TAF5L: variants seen among roughly 807,000 people sequenced by gnomAD.
TAF5L encodes TATA-box binding protein associated factor 5 like, also known as TAF5-like RNA polymerase II p300/CBP-associated factor-associated factor 65 kDa subunit 5L.
Under a neutral mutation model 51.3 loss-of-function variants are expected in TAF5L, and 7 were observed. That is an observed-to-expected ratio of 0.14 (90% CI 0.08 to 0.26). The LOEUF is 0.26. TAF5L is among the 10% of genes least tolerant of loss of function. TAF5L has a pLI of 1.00. For missense variants in TAF5L, 575 were observed against 758.9 expected, an observed-to-expected ratio of 0.76 and a Z score of 2.85; for synonymous variants, 291 against 308.1, an observed-to-expected ratio of 0.94 and a Z score of 0.58.
chr1:229,605,650 T>C (rs1341236379), intron 3 of TAF5L, among the ~76,000 whole-genome samples: 6 of 151,962 alleles, frequency 3.9e-5, no homozygotes, highest in Non-Finnish European at 7.4e-5. Context: ...TTTAAGTCAG[T>C]AGACTTTGAG....
chr1:229,623,655 C>G (rs765639004), intron 1 of TAF5L, among the ~76,000 whole-genome samples: 8 of 152,244 alleles, frequency 5.3e-5, no homozygotes, highest in Non-Finnish European at 1.2e-4. Context: ...ACTACCACTA[C>G]GAATACTTAA....
intron 4 of TAF5L, chr1:229,600,811 C>T (rs1285616515): frequency 1.0e-6 from 1 of 985,264 alleles, no homozygotes; most frequent in African/African-American, 1.7e-5. Flanking sequence ...TTATTTTGGT[C>T]TACTGTTATC....
intron 4 of TAF5L, chr1:229,600,835 C>T (rs185649162): frequency 3.3e-4 from 323 of 985,070 alleles, no homozygotes; most frequent in Admixed American, 6.1e-4. Context: ...TGTCATAATG[C>T]TATCTTCTTT....
chr1:229,616,591 C>A (rs1388019574), intron 1 of TAF5L, among the ~76,000 whole-genome samples: 1 of 152,022 alleles, frequency 6.6e-6, no homozygotes, highest in Non-Finnish European at 1.5e-5. Flanking sequence ...GGTGAATAAC[C>A]AAACAAATGT....
intron 1 of TAF5L, among the ~76,000 whole-genome samples, chr1:229,622,037 CT>C (rs1665221793): frequency 6.9e-6 from 1 of 145,264 alleles, no homozygotes; most frequent in Non-Finnish European, 1.5e-5. Flanking sequence ...ATCTATCTAT[CT>C]ATCTATCTAT....
Position 229,594,467 on chromosome 1 carries a change from C to A in TAF5L, c.1600G>T (p.Val534Leu), listed in dbSNP as rs767014368. Reference sequence around the variant, plus strand: ...GTGTTCCTGATGTCCCAGACGCGCACCGAGTTGTCCATGGAGGCAGAGGCA... The same window carrying A: ...GTGTTCCTGATGTCCCAGACGCGCAACGAGTTGTCCATGGAGGCAGAGGCA... Residue 534 changes from valine to leucine, a missense_variant, in exon 5 of 5, where the codon GTG becomes TTG. By Grantham distance (32) the Val-to-Leu change is conservative. Transcript: ENST00000258281. This position sits in a 1 kb window ranked among gnomAD's most constrained non-coding sequence, Gnocchi z 7.9. 4 of 1,614,142 alleles carry A rather than the reference C, an allele frequency of 2.5e-6. No individual in the cohort carries two copies. Among genetic ancestry groups the A allele is most frequent in the Non-Finnish European group, 3.4e-6 (4 of 1,180,026 alleles).
Position 229,625,052 on chromosome 1 carries a change from C to T in TAF5L, c.-4+833G>A, listed in dbSNP as rs1158032988. Among the ~76,000 whole-genome samples the T allele has an allele frequency of 6.6e-6, 1 of 152,218 alleles. No individual in the cohort carries two copies. The highest frequency in any genetic ancestry group is 1.5e-5 in the Non-Finnish European group (1 of 68,034). On this transcript the variant is annotated intron_variant, in intron 1 of 4. Coordinates refer to ENST00000258281, the Ensembl canonical transcript of TAF5L. The surrounding 1 kb of genome is among the most constrained non-coding windows in gnomAD (Gnocchi z 4.0). The stretch of plus-strand genomic sequence containing the variant: ...AGACAGACACTGCATGGGACTGGCA[C>T]TTACCTTCTGATCCCAGAACCACAA...
In TAF5L at chr1:229,594,741, G is replaced by A; in HGVS notation, c.1326C>T (p.Ala442=). The change falls in exon 5 of 5, where the codon GCC becomes GCT. Residue 442 remains alanine (A), a synonymous_variant. Transcript: ENST00000258281. The surrounding 1 kb of genome is among the most constrained non-coding windows in gnomAD (Gnocchi z 7.9). ...GGACGGTCTTGTCGGTTGAGCCCGT[G>A]GCCAAGTAGTTTGAATTAGGGTGGA... 1 of 1,614,182 alleles carries A rather than the reference G, an allele frequency of 6.2e-7. No individual in the cohort carries two copies. Among genetic ancestry groups the A allele is most frequent in the East Asian group, 2.2e-5 (1 of 44,870 alleles).
At chr1:229,610,313 C>G in intron 2 of TAF5L, 103 bp from the exon 3 acceptor site, 1 of 995,018 alleles carries the variant, frequency 1.0e-6, no homozygotes, top group Non-Finnish European at 1.5e-6. Flanking sequence ...CACACACGCA[C>G]AGCAACTGAC....
intron 3 of TAF5L, among the ~76,000 whole-genome samples, chr1:229,605,128 A>ATT (rs1289921277): frequency 1.4e-5 from 2 of 145,098 alleles, no homozygotes; most frequent in Non-Finnish European, 3.0e-5. Flanking sequence ...ATATATATGT[A>ATT]TTTTTTTTTT....
At chr1:229,599,538 G>A (rs1004746281) in intron 4 of TAF5L, 2 of 155,214 alleles carry the variant, frequency 1.3e-5, no homozygotes, top group African/African-American at 4.8e-5. Flanking sequence ...ATAACAGTAG[G>A]TGACCTTTTA....
In TAF5L at chr1:229,594,262, C is replaced by A; in HGVS notation, c.*35G>T. The A allele has an allele frequency of 6.4e-7, 1 of 1,571,754 alleles. No individual in the cohort carries two copies. The highest frequency in any genetic ancestry group is 8.6e-7 in the Non-Finnish European group (1 of 1,156,624). ...AAGGATTGCAACTGGAGGCTTTCCA[C>A]TGTTACCCCAGTCCGTTCCAACAAA... On this transcript the variant is annotated 3_prime_UTR_variant, in exon 5 of 5. Transcript: ENST00000258281. The surrounding 1 kb of genome is among the most constrained non-coding windows in gnomAD (Gnocchi z 7.9).
chr1:229,613,811 T>C (rs992441970), intron 2 of TAF5L, among the ~76,000 whole-genome samples: 1 of 152,146 alleles, frequency 6.6e-6, no homozygotes, highest in Admixed American at 6.6e-5. Context: ...CAAGTTTTTC[T>C]AAAATAGAAT....
At chr1:229,595,922 C>A (rs1309621374) in intron 4 of TAF5L, among the ~76,000 whole-genome samples, 1 of 152,144 alleles carries the variant, frequency 6.6e-6, no homozygotes, top group Non-Finnish European at 1.5e-5. Flanking sequence ...GCCTTGGCCT[C>A]CCAAAGTGCT....
At chr1:229,607,348 A>C (rs1168970891) in intron 3 of TAF5L, 1 of 985,426 alleles carries the variant, frequency 1.0e-6, no homozygotes. Context: ...TCTCCCTGCC[A>C]TTCCTCTTAC....
rs575201695 is a variant in TAF5L at position 229,610,862 on chromosome 1, T to C, written c.143-652A>G. On this transcript the variant is annotated intron_variant, in intron 2 of 4. Coordinates refer to ENST00000258281, the Ensembl canonical transcript of TAF5L. Reference sequence around the variant, plus strand: ...TATCATGTATCTAATTGGTAACTTTTTTCATTCTCAACATTCTCTTTTCCC... The same window carrying C: ...TATCATGTATCTAATTGGTAACTTTCTTCATTCTCAACATTCTCTTTTCCC... Among the ~76,000 whole-genome samples the C allele has an allele frequency of 9.2e-5, 14 of 152,330 alleles. No homozygotes were observed. In the South Asian group the frequency reaches 2.9e-3, roughly 32 times the overall value.
At chr1:229,624,621 G>A (rs1665359345) in intron 1 of TAF5L, among the ~76,000 whole-genome samples, 1 of 151,894 alleles carries the variant, frequency 6.6e-6, no homozygotes, top group South Asian at 2.1e-4. Context: ...AAAAATCCAC[G>A]TTTAAGTTAT....
At chr1:229,624,585 A>AGGC (rs1389801227) in intron 1 of TAF5L, among the ~76,000 whole-genome samples, 1 of 145,630 alleles carries the variant, frequency 6.9e-6, no homozygotes, top group Non-Finnish European at 1.5e-5. Flanking sequence ...GGCAACATAG[A>AGGC]GGCACCCTGT....
chr1:229,600,113 G>A, intron 4 of TAF5L: 2 of 983,396 alleles, frequency 2.0e-6, no homozygotes, highest in Non-Finnish European at 1.2e-6. Context: ...ATTCTATAAG[G>A]GAAAAAGAAA....
Sources: gnomAD v4.1 joint callset for allele counts (sites outside exome capture counted in the v4.1 genomes callset) on GRCh38, gnomAD v4.1.1 for gene constraint, Gnocchi (gnomAD v3.1) non-coding constraint, MANE v1.5 for transcripts, NCBI Gene and HGNC (gene_info 2026-07-23, HGNC 2026-07-21) for gene names.